Variants in EGF observed in about 807,000 individuals in gnomAD.
EGF encodes epidermal growth factor, also known as pro-epidermal growth factor.
Under a neutral mutation model 143.8 loss-of-function variants are expected in EGF, and 95 were observed. That is an observed-to-expected ratio of 0.66 (90% CI 0.56 to 0.78). The LOEUF (loss-of-function observed/expected upper bound fraction) is 0.78. Among genes scored for constraint, EGF ranks in the 30% least tolerant of loss-of-function variants. The pLI, the probability that EGF is intolerant of heterozygous loss-of-function variation, is 0.00. For synonymous variants in EGF, 510 were observed against 510.5 expected, an observed-to-expected ratio of 1.00 and a Z score of 0.01; for missense variants, 1,320 against 1,470.9, an observed-to-expected ratio of 0.90 and a Z score of 1.68.
At chr4:109,981,730 G>C (rs1287958968) in intron 15 of EGF, among the ~76,000 whole-genome samples, 1 of 152,130 alleles carries the variant, frequency 6.6e-6, no homozygotes, top group Non-Finnish European at 1.5e-5. Context: ...ATGAAAAAAA[G>C]AGGCTAGTTT....
At chr4:110,002,049 A>C (rs1752636883) in intron 21 of EGF, 1 of 985,192 alleles carries the variant, frequency 1.0e-6, no homozygotes, top group African/African-American at 1.7e-5. Context: ...TGTACCAACA[A>C]ATACAGCTCT....
chr4:109,941,277 T>G (rs1379516352), intron 2 of EGF, 132 bp downstream of exon 2: 1 of 804,364 alleles, frequency 1.2e-6, no homozygotes, highest in African/African-American at 1.7e-5. Context: ...AATATAGGCA[T>G]TTATTTAATC....
Position 109,913,305 on chromosome 4 carries a change from TTTCTTTTGAAAG to T in EGF, c.-27_-16del, listed in dbSNP as rs1212928687. 1.4e-5 allele frequency: 22 copies of T among 1,612,554 alleles called. No individual in the cohort carries two copies. The highest frequency in any genetic ancestry group is 1.5e-5 in the Non-Finnish European group (18 of 1,179,162). On this transcript the variant is annotated 5_prime_UTR_variant, in exon 1 of 24. It removes the in-frame stop codon of an upstream open reading frame in the 5' UTR. Coordinates refer to ENST00000265171, the MANE Select transcript of EGF (RefSeq NM_001963.6). ...CCATGCTCCAGCAAAATCAAGCTGT[TTTCTTTTGAAAG>T]TTCAAACTCATCAAGATTATGCTGC...
rs1754037208 is a variant in EGF, at chr4:110,011,973, T to C, written c.*518T>C. The C allele has an allele frequency of 6.5e-6, 1 of 153,532 alleles. No homozygotes were observed. Among genetic ancestry groups the C allele is most frequent in the South Asian group, 2.0e-4 (1 of 4,886 alleles). The allele number at this position is 153,532 out of a possible 1,614,324, so 9.5% of individuals were successfully genotyped here. A position where few individuals can be genotyped will look rare whatever the true frequency, so the allele number is the denominator to read the frequency against. On this transcript the variant is annotated 3_prime_UTR_variant, in exon 24 of 24. Transcript: ENST00000265171. ...GCTGATGATTTTGCAAAATGAGTTG[T>C]GATGAATCAATGAAAAATGTAATTT...
intron 1 of EGF, among the ~76,000 whole-genome samples, chr4:109,930,336 C>G (rs965498285): frequency 6.6e-6 from 1 of 152,126 alleles, no homozygotes; most frequent in East Asian, 1.9e-4. Flanking sequence ...TTTAAGTCAG[C>G]ACCTGGGGAG....
intron 1 of EGF, among the ~76,000 whole-genome samples, chr4:109,917,803 A>G (rs893640554): frequency 1.3e-5 from 2 of 151,942 alleles, no homozygotes; most frequent in African/African-American, 4.8e-5. Flanking sequence ...TATTTTTAGT[A>G]GAGATGGGGT....
Position 110,011,281 on chromosome 4 carries a change from ATCCAGTGATAAGGGC to A in EGF, c.3454_3468del (p.Ser1152_Ser1156del), listed in dbSNP as rs754929911. The A allele has an allele frequency of 2.5e-6, 4 of 1,614,052 alleles. No homozygotes were observed. The highest frequency in any genetic ancestry group is 1.7e-5 in the Admixed American group (1 of 60,008). Reference sequence around the variant, plus strand: ...CAGAGCAAGGCTGCTGGATTCCAGTATCCAGTGATAAGGGCTCCTGTCCCCAGGTAATGGAGCGAA... The same window carrying A: ...CAGAGCAAGGCTGCTGGATTCCAGTATCCTGTCCCCAGGTAATGGAGCGAA... On this transcript the variant is annotated inframe_deletion, in exon 24 of 24. Transcript: ENST00000265171.
At position 109,994,827 on chromosome 4, in the gene EGF, C is replaced by A. The variant is rs1480922515; in HGVS notation, c.2952C>A (p.Cys984Ter). 6.2e-7 allele frequency: 1 copy of A among 1,614,036 alleles called. No individual in the cohort carries two copies. Reference protein sequence around the residue: ...SECPLSHDGYCLHDGVCMYIE... With the variant: ...SECPLSHDGY ...GTCCCCTGTCCCACGATGGGTACTG[C>A]CTCCATGATGGTGTGTGCATGTATA... The change falls in exon 20 of 24, where the codon TGC becomes TGA. Residue 984 changes from cysteine to a stop codon, truncating the protein, a stop_gained. Transcript: ENST00000265171. LOFTEE classifies it high-confidence loss of function.
chr4:109,923,143 T>C (rs2125941840), intron 1 of EGF, among the ~76,000 whole-genome samples: 1 of 151,606 alleles, frequency 6.6e-6, no homozygotes, highest in African/African-American at 2.4e-5. Context: ...TTGTTACATA[T>C]GTCTTCAAGA....
At chr4:109,983,303 C>G in intron 15 of EGF, 119 bp from the exon 16 acceptor site, 1 of 1,200,426 alleles carries the variant, frequency 8.3e-7, no homozygotes, top group East Asian at 2.6e-5. Flanking sequence ...TCTGAATCCT[C>G]TTACTGTAAG....
chr4:109,946,014 T>A (rs1291162317), intron 5 of EGF, among the ~76,000 whole-genome samples: 1 of 152,210 alleles, frequency 6.6e-6, no homozygotes, highest in Non-Finnish European at 1.5e-5. Flanking sequence ...AGCTCAACAA[T>A]CCTTCCCATT....
At chr4:110,002,248 T>C (rs1446017685) in intron 21 of EGF, among the ~76,000 whole-genome samples, 1 of 152,162 alleles carries the variant, frequency 6.6e-6, no homozygotes, top group Non-Finnish European at 1.5e-5. Context: ...ATCCCAGCAT[T>C]TTGGGAGGCC....
chr4:109,974,156 T>A (rs2126097704), intron 11 of EGF, among the ~76,000 whole-genome samples: 1 of 152,294 alleles, frequency 6.6e-6, no homozygotes, highest in South Asian at 2.1e-4. Context: ...TACTGTGCCA[T>A]TTTATATCAG....
chr4:109,918,260 T>G (rs1317897114), intron 1 of EGF, among the ~76,000 whole-genome samples: 8 of 151,718 alleles, frequency 5.3e-5, no homozygotes, highest in Admixed American at 5.3e-4. Flanking sequence ...GTGTGGTTTT[T>G]TTTTTTTTTT....
At chr4:109,975,216 G>T (rs1195645475) in intron 12 of EGF, among the ~76,000 whole-genome samples, 1 of 152,144 alleles carries the variant, frequency 6.6e-6, no homozygotes, top group Non-Finnish European at 1.5e-5. Context: ...AACTGTGAAA[G>T]GTTAGAAGAC....
At chr4:109,989,340 T>G (rs915383286) in intron 18 of EGF, among the ~76,000 whole-genome samples, 5 of 152,190 alleles carry the variant, frequency 3.3e-5, no homozygotes, top group African/African-American at 1.2e-4. Flanking sequence ...GTCAGTAGCA[T>G]CGCATCACGT....
intron 1 of EGF, among the ~76,000 whole-genome samples, chr4:109,936,917 C>T (rs1171726011): frequency 6.6e-6 from 1 of 152,004 alleles, no homozygotes; most frequent in Non-Finnish European, 1.5e-5. Context: ...GTTACAATTT[C>T]TGTTCTTTTG....
At chr4:109,982,672 A>G (rs1348463641) in intron 15 of EGF, among the ~76,000 whole-genome samples, 2 of 151,958 alleles carry the variant, frequency 1.3e-5, no homozygotes, top group Non-Finnish European at 2.9e-5. Context: ...AGTGTGTGGC[A>G]GTGAAGAGCT....
chr4:109,960,935 T>C lies in EGF; in HGVS notation c.1135T>C (p.Tyr379His). ...LGCKNTPGSYYCTCPVGFVLL... is the reference protein window; with the variant it reads ...LGCKNTPGSYHCTCPVGFVLL... ...GTGTAAAAACACCCCTGGATCCTAT[T>C]ACTGCACGTGCCCTGTAGGATTTGT... Residue 379 changes from tyrosine (Y) to histidine (H), a missense_variant, in exon 7 of 24, where the codon TAC becomes CAC. By Grantham distance (83) the Tyr-to-His change is moderately conservative. This residue lies in a region of EGF where 1,186 missense variants were observed against 1,313.7 expected (regional missense o/e 0.90). Transcript: ENST00000265171. 6.2e-7 allele frequency: 1 copy of C among 1,613,926 alleles called. No homozygotes were observed. Among genetic ancestry groups the C allele is most frequent in the Non-Finnish European group, 8.5e-7 (1 of 1,179,868 alleles).
Sources: allele counts gnomAD v4.1 joint callset (sites outside exome capture counted in the v4.1 genomes callset), GRCh38; gene constraint gnomAD v4.1.1; regional missense constraint gnomAD v4.1.1; transcripts MANE v1.5; gene names NCBI Gene and HGNC (gene_info 2026-07-23, HGNC 2026-07-21).